Variants in NHS observed in about 807,000 individuals in gnomAD.
NHS encodes actin remodeling regulator NHS.
NHS carries 5 observed loss-of-function variants against 72.5 expected under a neutral mutation model. That is an observed-to-expected ratio of 0.07 (90% CI 0.04 to 0.14). The LOEUF (loss-of-function observed/expected upper bound fraction) is 0.14. Ranked by LOEUF, NHS falls within the 10% of genes least tolerant of loss-of-function variation. The pLI is 1.00. For missense variants in NHS, 1,072 were observed against 1,355.7 expected, an observed-to-expected ratio of 0.79 and a Z score of 3.29; for synonymous variants, 464 against 547.7, an observed-to-expected ratio of 0.85 and a Z score of 2.13.
intron 1 of NHS, among the ~76,000 whole-genome samples, chrX:17,466,059 A>G (rs1184878817): frequency 1.8e-5 from 2 of 113,468 alleles, no homozygotes; most frequent in Non-Finnish European, 3.7e-5. Context: ...TACAAATGCA[A>G]ACAGAGCACA....
rs140467087 is a variant in NHS at position 17,457,539 on chromosome X, C to A, written c.565+81217C>A. Among the ~76,000 whole-genome samples the A allele has an allele frequency of 9.1e-3, 1,018 of 111,295 alleles. 17 individuals carry two copies. Among genetic ancestry groups the A allele is most frequent in the African/African-American group, 0.032 (966 of 30,540 alleles). Reference sequence around the variant, plus strand: ...TGCATGAGGGATCCACTCTCACAACCCAAACATCTCCCACCGGGCCCCACC... The same window carrying A: ...TGCATGAGGGATCCACTCTCACAACACAAACATCTCCCACCGGGCCCCACC... On this transcript the variant is annotated intron_variant, in intron 1 of 8. Transcript: ENST00000676302.
At chrX:17,708,029 G>A (rs7883786) in intron 3 of NHS, among the ~76,000 whole-genome samples, 14,358 of 111,512 alleles carry the variant, frequency 0.13, 2,022 homozygotes, top group African/African-American at 0.41. Flanking sequence ...AGCTCTCTCA[G>A]AAGTATTCTG....
chrX:17,571,030 G>GTGGTGGATAAGCTTT (rs1209196754), intron 1 of NHS, among the ~76,000 whole-genome samples: 1 of 112,032 alleles, frequency 8.9e-6, no homozygotes, highest in East Asian at 2.8e-4. Flanking sequence ...CAACTTGATT[G>GTGGTGGATAAGCTTT]TGGTGGATAA....
At chrX:17,550,182 A>G (rs1172176803) in intron 1 of NHS, among the ~76,000 whole-genome samples, 1 of 112,290 alleles carries the variant, frequency 8.9e-6, no homozygotes, top group Non-Finnish European at 1.9e-5. Flanking sequence ...TTTGCGAGGC[A>G]GAAAGGAATT....
At chrX:17,513,528 G>C (rs2065101028) in intron 1 of NHS, among the ~76,000 whole-genome samples, 1 of 112,528 alleles carries the variant, frequency 8.9e-6, no homozygotes, top group Non-Finnish European at 1.9e-5. Context: ...CCCCCAGAGA[G>C]CTTGTTGCAA....
chrX:17,382,996 C>T lies in NHS; in HGVS notation c.565+6674C>T, dbSNP rs190670073. On this transcript the variant is annotated intron_variant, in intron 1 of 8. Coordinates refer to ENST00000676302, the MANE Select transcript of NHS (RefSeq NM_001291867.2). ...GGATGAATGCACCAGTGCCATTACT[C>T]CTTGGATAGGAGAACTCTGCAGCAT... Among the ~76,000 whole-genome samples the T allele has an allele frequency of 1.3e-4, 15 of 112,074 alleles. No homozygotes were observed. The East Asian group carries it at 3.9e-3, about 29-fold the overall frequency.
chrX:17,471,797 G>A (rs1482214826), intron 1 of NHS, among the ~76,000 whole-genome samples: 11 of 111,923 alleles, frequency 9.8e-5, no homozygotes, highest in Admixed American at 6.7e-4. Flanking sequence ...CAAACCGTAG[G>A]AAGGTGCATA....
At chrX:17,638,346 T>C (rs1460476273) in intron 1 of NHS, among the ~76,000 whole-genome samples, 1 of 112,724 alleles carries the variant, frequency 8.9e-6, no homozygotes, top group Non-Finnish European at 1.9e-5. Flanking sequence ...TTAAAATTAA[T>C]GTACCTGATT....
intron 1 of NHS, among the ~76,000 whole-genome samples, chrX:17,399,395 C>T (rs754273235): frequency 8.9e-6 from 1 of 111,807 alleles, no homozygotes; most frequent in East Asian, 2.8e-4. Flanking sequence ...AGCCACCATG[C>T]CCGACCCCTA....
intron 1 of NHS, among the ~76,000 whole-genome samples, chrX:17,466,892 GA>G (rs1485202126): frequency 2.7e-5 from 3 of 112,171 alleles, no homozygotes; most frequent in Non-Finnish European, 5.6e-5. Context: ...TTCTGTTGAA[GA>G]AAATCAGATT....
At chrX:17,389,586 C>CTTATGTATTTATTTAT (rs2064430206) in intron 1 of NHS, among the ~76,000 whole-genome samples, 1 of 102,319 alleles carries the variant, frequency 9.8e-6, no homozygotes, top group Non-Finnish European at 1.9e-5. Context: ...CTTTTATTTT[C>CTTATGTATTTATTTAT]TTATTTATTT....
chrX:17,713,785 C>T (rs1003519434), intron 3 of NHS, among the ~76,000 whole-genome samples: 1 of 112,215 alleles, frequency 8.9e-6, no homozygotes, highest in East Asian at 2.8e-4. Flanking sequence ...TTCTCACACA[C>T]ATACCTCAAG....
chrX:17,733,807 G>A lies in NHS; in HGVS notation c.*1343G>A, dbSNP rs944497450. On this transcript the variant is annotated 3_prime_UTR_variant, in exon 9 of 9. Coordinates refer to ENST00000676302, the MANE Select transcript of NHS (RefSeq NM_001291867.2). The stretch of plus-strand genomic sequence containing the variant: ...TGAGTTTTTGTCTGGTTTTACTATA[G>A]TGTCTGCTTGATGGCAAAAGGGGAG... 9.0e-6 allele frequency: 1 copy of A among 111,667 alleles called. No homozygotes were observed. The highest frequency in any genetic ancestry group is 3.3e-5 in the African/African-American group (1 of 30,586). 9.2% of individuals were successfully genotyped at this position (111,667 alleles called of 1,213,427 possible).
intron 1 of NHS, among the ~76,000 whole-genome samples, chrX:17,604,394 AC>A (rs2065668645): frequency 8.9e-6 from 1 of 112,444 alleles, no homozygotes; most frequent in Non-Finnish European, 1.9e-5. Context: ...AGAGGATCAA[AC>A]ATGAAGGGTT....
chrX:17,726,621 A>G lies in NHS; in HGVS notation c.2515A>G (p.Ser839Gly). The change falls in exon 7 of 9, where the codon AGC (serine) becomes GGC (glycine). Residue 839 changes from serine to glycine, a missense_variant. Coordinates refer to ENST00000676302, the MANE Select transcript of NHS (RefSeq NM_001291867.2). ...AGACCACAAGAGGCAGGGAAGACCA[A>G]GCATCTCTTTCAGGAAACCAAAGGC... ...YLDHKRQGRP[S>G]ISFRKPKAKP... is the part of the protein sequence containing the mutation. 1.7e-6 allele frequency: 2 copies of G among 1,212,119 alleles called. No individual in the cohort carries two copies. Among genetic ancestry groups the G allele is most frequent in the Non-Finnish European group, 1.1e-6 (1 of 895,619 alleles).
intron 1 of NHS, among the ~76,000 whole-genome samples, chrX:17,419,018 A>G (rs1348772177): frequency 8.9e-6 from 1 of 112,639 alleles, no homozygotes; most frequent in Non-Finnish European, 1.9e-5. Flanking sequence ...CCAAAAAGGA[A>G]TGGGATTATT....
At chrX:17,473,651 C>G (rs1044050766) in intron 1 of NHS, among the ~76,000 whole-genome samples, 4 of 111,790 alleles carry the variant, frequency 3.6e-5, no homozygotes, top group Non-Finnish European at 7.5e-5. Flanking sequence ...ATTTACCATC[C>G]AAATTGAGCT....
At chrX:17,567,413 C>T (rs2065450117) in intron 1 of NHS, among the ~76,000 whole-genome samples, 1 of 112,354 alleles carries the variant, frequency 8.9e-6, no homozygotes, top group Non-Finnish European at 1.9e-5. Flanking sequence ...CCTTCCCCCT[C>T]AGCTCAGTCC....
At chrX:17,388,882 G>A (rs2064424382) in intron 1 of NHS, among the ~76,000 whole-genome samples, 1 of 110,364 alleles carries the variant, frequency 9.1e-6, no homozygotes, top group African/African-American at 3.3e-5. Flanking sequence ...TGGTGGTCTG[G>A]TAAAAGTATT....
Sources: allele counts gnomAD v4.1 joint callset (sites outside exome capture counted in the v4.1 genomes callset), GRCh38; gene constraint gnomAD v4.1.1; transcripts MANE v1.5; gene names NCBI Gene and HGNC (gene_info 2026-07-23, HGNC 2026-07-21).